The following ZNF888 variants were observed in gnomAD, a reference collection of about 807,000 sequenced individuals.
The protein encoded by ZNF888 is CTD-2331H12.6.
ZNF888 carries 5 observed loss-of-function variants against 7.2 expected under a neutral mutation model. That is an observed-to-expected ratio of 0.70 (90% confidence interval 0.36 to 1.46). The LOEUF (loss-of-function observed/expected upper bound fraction) is 1.46. Ranked by LOEUF, ZNF888 falls within the 40% of genes most tolerant of loss-of-function variation. ZNF888 has a pLI of 0.03. For synonymous variants in ZNF888, 240 were observed against 284.3 expected, an observed-to-expected ratio of 0.84 and a Z score of 1.57; for missense variants, 716 against 858.0, an observed-to-expected ratio of 0.83 and a Z score of 2.07.
intron 3 of ZNF888, chr19:52,917,104 T>C (rs1226529159): frequency 2.0e-5 from 3 of 152,540 alleles, no homozygotes; most frequent in African/African-American, 7.2e-5. Flanking sequence ...GTTGAATGAA[T>C]CTCCTGCTAT....
At chr19:52,912,796 C>T (rs1045471847) in intron 4 of ZNF888, among the ~76,000 whole-genome samples, 1 of 151,840 alleles carries the variant, frequency 6.6e-6, no homozygotes, top group Non-Finnish European at 1.5e-5. Flanking sequence ...ATACAAAGTT[C>T]TCCAGTAAAG....
Position 52,906,118 on chromosome 19 carries a change from T to C in ZNF888, c.*47A>G. On this transcript the variant is annotated 3_prime_UTR_variant, in exon 5 of 5. Coordinates refer to ENST00000638862, the MANE Select transcript of ZNF888 (RefSeq NM_001393938.1). ...CTATTCATTATGGATTCTTCAATGA[T>C]TTGCAATGGTTGTAGCGTTACTGAA... 1 of 1,612,204 alleles carries C rather than the reference T, an allele frequency of 6.2e-7. No individual in the cohort carries two copies. The highest frequency in any genetic ancestry group is 8.5e-7 in the Non-Finnish European group (1 of 1,178,626).
rs937510592 is a variant in ZNF888 at position 52,908,016 on chromosome 19, T to A, written c.306A>T (p.Glu102Asp). The change falls in exon 5 of 5, where the codon GAA becomes GAT. Residue 102 changes from glutamate to aspartate, a missense_variant. By Grantham distance (45) the Glu-to-Asp change is conservative. Transcript: ENST00000638862. ...DIHDFVFQWQ[E>D]DETNGHEAPM... ...GTGCTTCATGGCCATTTGTTTCATC[T>A]TCTTGCCACTGAAACACAAAGTCAT... The A allele has an allele frequency of 6.5e-5, 105 of 1,614,184 alleles. No individual in the cohort carries two copies. The African/African-American group carries it at 9.5e-4, about 15-fold the overall frequency.
At chr19:52,912,174 C>T (rs1221284632) in intron 4 of ZNF888, among the ~76,000 whole-genome samples, 5 of 139,682 alleles carry the variant, frequency 3.6e-5, no homozygotes, top group Non-Finnish European at 6.2e-5. Flanking sequence ...AGTGTCGTGG[C>T]AAGATCTCGG....
chr19:52,913,382 T>C (rs2064708850), intron 4 of ZNF888, among the ~76,000 whole-genome samples: 1 of 132,984 alleles, frequency 7.5e-6, no homozygotes, highest in South Asian at 2.6e-4. Context: ...TGGAGTGCAA[T>C]GGTGCGATCC....
intron 1 of ZNF888, among the ~76,000 whole-genome samples, chr19:52,922,930 C>T (rs1600695326): frequency 1.3e-5 from 2 of 152,054 alleles, no homozygotes; most frequent in South Asian, 4.2e-4. Context: ...GGAGATGACG[C>T]CTTCGGACAA....
Position 52,912,561 on chromosome 19 carries a change from T to TAAAAA in ZNF888, c.142+2630_142+2634dup, listed in dbSNP as rs1176685168. Among the ~76,000 whole-genome samples the TAAAAA allele has an allele frequency of 4.0e-4, 46 of 114,882 alleles. 2 individuals carry two copies. The East Asian group carries it at 9.7e-3, about 24-fold the overall frequency. The allele number at this position is 114,882 out of a possible 152,430, so 75.4% of individuals were successfully genotyped here. A position where few individuals can be genotyped will look rare whatever the true frequency, so the allele number is the denominator to read the frequency against. ...TAACAAGCTGAAACCCCATCTCTAC[T>TAAAAA]AAAAAAAAAAAAAAAAAAATTAGCC... On this transcript the variant is annotated intron_variant, in intron 4 of 4. Coordinates refer to ENST00000638862, the MANE Select transcript of ZNF888 (RefSeq NM_001393938.1).
intron 1 of ZNF888, among the ~76,000 whole-genome samples, chr19:52,921,945 G>T (rs1292502383): frequency 6.6e-6 from 1 of 152,074 alleles, no homozygotes; most frequent in African/African-American, 2.4e-5. Context: ...AGAAAAGAAA[G>T]AAAGAAAGAA....
chr19:52,916,631 T>C (rs1019886423), intron 3 of ZNF888, among the ~76,000 whole-genome samples: 1 of 96,030 alleles, frequency 1.0e-5, no homozygotes, highest in African/African-American at 3.7e-5. Context: ...TATATATATA[T>C]ATATATATAT....
rs370216583 is a variant in ZNF888, at chr19:52,915,172, C to G, written c.142+24G>C. On this transcript the variant is annotated intron_variant, in intron 4 of 4. Coordinates refer to ENST00000638862, the MANE Select transcript of ZNF888 (RefSeq NM_001393938.1). ...AATGCAAAGATCCACAAGGGAACATCCCCAGGAAGGAAGTTATCCTCACCC... is the reference window on the plus strand; with the variant it reads ...AATGCAAAGATCCACAAGGGAACATGCCCAGGAAGGAAGTTATCCTCACCC... 97 of 1,522,878 alleles carry G rather than the reference C, an allele frequency of 6.4e-5. 12 individuals carry two copies. Among genetic ancestry groups the G allele is most frequent in the Non-Finnish European group, 8.5e-5 (97 of 1,142,128 alleles). 94.3% of individuals were successfully genotyped at this position (1,522,878 alleles called of 1,614,324 possible).
chr19:52,907,473 T>A lies in ZNF888; in HGVS notation c.849A>T (p.Ala283=). Residue 283 remains alanine, a synonymous_variant, in exon 5 of 5, where the codon GCA becomes GCT. Transcript: ENST00000638862. ...NKCGKVFNKK[A]YLARHYRRHT... ...GACGTCTATAATGACGTGCAAGGTA[T>A]GCTTTTTTATTAAAAACCTTGCCAC... The A allele has an allele frequency of 6.2e-7, 1 of 1,604,212 alleles. No individual in the cohort carries two copies.
chr19:52,918,533 G>A (rs571767125), intron 2 of ZNF888, among the ~76,000 whole-genome samples: 113 of 152,208 alleles, frequency 7.4e-4, no homozygotes, highest in African/African-American at 2.6e-3. Flanking sequence ...ACTCTGGAAG[G>A]CCAAGGTGGG....
intron 1 of ZNF888, among the ~76,000 whole-genome samples, chr19:52,923,047 C>T (rs1290552975): frequency 6.6e-6 from 1 of 152,126 alleles, no homozygotes; most frequent in East Asian, 1.9e-4. Flanking sequence ...CTGGGAAGCG[C>T]CAGAGCAGGG....
chr19:52,919,828 AG>A lies in ZNF888; in HGVS notation c.-177-892del, dbSNP rs2064800781. Among the ~76,000 whole-genome samples, 4 of 58,938 alleles carry A rather than the reference AG, an allele frequency of 6.8e-5. 1 individual carries two copies. In the South Asian group the frequency reaches 2.2e-3, roughly 32 times the overall value. The allele number at this position is 58,938 out of a possible 152,430, so 38.7% of individuals were successfully genotyped here. On this transcript the variant is annotated intron_variant, in intron 1 of 4. Coordinates refer to ENST00000638862, the MANE Select transcript of ZNF888 (RefSeq NM_001393938.1). ...GGGCCGCAACCCTGTCTGGGAGGTG[AG>A]GAGCGTCTCTGCCCGGCCGCCCCGT...
intron 3 of ZNF888, among the ~76,000 whole-genome samples, chr19:52,916,980 A>T (rs980822822): frequency 6.6e-6 from 1 of 152,184 alleles, no homozygotes; most frequent in East Asian, 1.9e-4. Context: ...AGAATAAAAA[A>T]AAAGTACTGC....
chr19:52,916,617 T>C (rs1158645573), intron 3 of ZNF888, among the ~76,000 whole-genome samples: 1 of 16,084 alleles, frequency 6.2e-5, no homozygotes, highest in Non-Finnish European at 2.5e-4. Flanking sequence ...TACATATACA[T>C]ATATATATAT....
intron 2 of ZNF888, among the ~76,000 whole-genome samples, chr19:52,918,475 A>T (rs907978926): frequency 1.3e-5 from 2 of 152,164 alleles, no homozygotes; most frequent in South Asian, 2.1e-4. Context: ...CTGTACCAAA[A>T]ATATAAAAAT....
In ZNF888 at chr19:52,920,239, G is replaced by A. The variant is rs1441714611; in HGVS notation, c.-177-1302C>T. ...CCATGATGACAATGGAGGTTTTGTG[G>A]AATAGAAAGGCGGGAAAGGTGGGGA... On this transcript the variant is annotated intron_variant, in intron 1 of 4. Transcript: ENST00000638862. 3.1e-5 allele frequency among the ~76,000 whole-genome samples: 2 copies of A among 65,206 alleles called. 1 individual carries two copies. Among genetic ancestry groups the A allele is most frequent in the East Asian group, 6.1e-4 (2 of 3,284 alleles). 42.8% of individuals were successfully genotyped at this position (65,206 alleles called of 152,430 possible).
Position 52,908,087 on chromosome 19 carries a change from G to C in ZNF888, c.235C>G (p.His79Asp), listed in dbSNP as rs2064633245. The change falls in exon 5 of 5, where the codon CAT (histidine) becomes GAT (aspartate). Residue 79 changes from histidine (H) to aspartate (D), a missense_variant. Physicochemically the swap from His to Asp is moderately conservative, Grantham distance 81. Around this residue, in one of 2 missense-constraint regions of ZNF888, gnomAD observed 697 missense variants for 803.4 expected, o/e 0.87. Coordinates refer to ENST00000638862, the MANE Select transcript of ZNF888 (RefSeq NM_001393938.1). ...TGGAAGCAACATTCTCCAATGTGATGACTTGCCAGTCTTTGCAATGTCCCT... is the reference window on the plus strand; with the variant it reads ...TGGAAGCAACATTCTCCAATGTGATCACTTGCCAGTCTTTGCAATGTCCCT... Reference protein sequence around the residue: ...HTGTLQRLASHHIGECCFQEI... With the variant: ...HTGTLQRLASDHIGECCFQEI... 1.2e-6 allele frequency: 2 copies of C among 1,614,112 alleles called. No individual in the cohort carries two copies. Among genetic ancestry groups the C allele is most frequent in the South Asian group, 2.2e-5 (2 of 91,080 alleles).
Sources: gnomAD v4.1 joint callset for allele counts (sites outside exome capture counted in the v4.1 genomes callset) on GRCh38, gnomAD v4.1.1 for gene constraint, gnomAD v4.1.1 regional missense constraint, MANE v1.5 for transcripts, NCBI Gene and HGNC (gene_info 2026-07-23, HGNC 2026-07-21) for gene names.